The following RALGPS1 variants were observed in gnomAD, a reference collection of about 807,000 sequenced individuals.
The protein encoded by RALGPS1 is Ral GEF with PH domain and SH3 binding motif 1, also known as ras-specific guanine nucleotide-releasing factor RalGPS1.
RALGPS1 carries 19 observed loss-of-function variants against 78.8 expected under a neutral mutation model. That is an observed-to-expected ratio of 0.24 (90% CI 0.17 to 0.35). The LOEUF is 0.35. RALGPS1 is among the 10% of genes least tolerant of loss of function. RALGPS1 has a pLI of 1.00. For synonymous variants in RALGPS1, 228 were observed against 256.3 expected, an observed-to-expected ratio of 0.89 and a Z score of 1.06; for missense variants, 454 against 688.3, an observed-to-expected ratio of 0.66 and a Z score of 3.81.
At chr9:126,950,240 G>C (rs1259029076) in intron 1 of RALGPS1, among the ~76,000 whole-genome samples, 2 of 152,210 alleles carry the variant, frequency 1.3e-5, no homozygotes, top group African/African-American at 4.8e-5. Context: ...TTTGAAGTCA[G>C]GTAGTGTGAT....
intron 4 of RALGPS1, among the ~76,000 whole-genome samples, chr9:127,028,926 T>C (rs2046185869): frequency 1.3e-5 from 2 of 152,112 alleles, no homozygotes; most frequent in South Asian, 4.2e-4. Flanking sequence ...TTGTGACCCT[T>C]GTGCCCCCAG....
At chr9:127,181,210 C>T (rs2060194560) in intron 11 of RALGPS1, among the ~76,000 whole-genome samples, 1 of 152,234 alleles carries the variant, frequency 6.6e-6, no homozygotes, top group Non-Finnish European at 1.5e-5. Context: ...AAGCCAGCAC[C>T]TCAGCTGTTC....
At chr9:126,974,605 A>G (rs2040428540) in intron 3 of RALGPS1, among the ~76,000 whole-genome samples, 1 of 152,060 alleles carries the variant, frequency 6.6e-6, no homozygotes, top group Non-Finnish European at 1.5e-5. Flanking sequence ...GCCCTGGACT[A>G]GGAGGAAGGA....
intron 11 of RALGPS1, among the ~76,000 whole-genome samples, chr9:127,189,090 A>G (rs1250919801): frequency 2.0e-5 from 3 of 150,970 alleles, no homozygotes; most frequent in Non-Finnish European, 2.9e-5. Flanking sequence ...ACTGGGTGTC[A>G]GGAACAGCTG....
At chr9:127,064,746 G>A (rs2049526769) in intron 7 of RALGPS1, among the ~76,000 whole-genome samples, 2 of 152,182 alleles carry the variant, frequency 1.3e-5, no homozygotes, top group Admixed American at 6.5e-5. Context: ...AATCACTTTT[G>A]TTAAATGAAT....
rs181047012 is a variant in RALGPS1 at position 126,967,600 on chromosome 9, A to G, written c.165+1649A>G. On this transcript the variant is annotated intron_variant, in intron 3 of 18. Transcript: ENST00000259351. Reference sequence around the variant, plus strand: ...CACTTAGGCTGAAGTGCAGTGGCACAGTCACAGCTTATAAAAGCCTCAATC... The same window carrying G: ...CACTTAGGCTGAAGTGCAGTGGCACGGTCACAGCTTATAAAAGCCTCAATC... Among the ~76,000 whole-genome samples the G allele has an allele frequency of 2.6e-5, 4 of 152,146 alleles. No homozygotes were observed. The East Asian group carries it at 5.8e-4, about 22-fold the overall frequency.
rs139857708 is a variant in RALGPS1 at position 127,085,993 on chromosome 9, T to A, written c.610+16637T>A. Among the ~76,000 whole-genome samples, 1,374 of 152,300 alleles carry A rather than the reference T, an allele frequency of 9.0e-3. 12 individuals carry two copies. The highest frequency in any genetic ancestry group is 0.015 in the Non-Finnish European group (1,039 of 68,020). ...TGACACCCAGCACCTTCTGGATTAA[T>A]TGCTGCCGGGGTATTCTTACCAGCA... On this transcript the variant is annotated intron_variant, in intron 8 of 18. Transcript: ENST00000259351.
chr9:127,098,659 G>C (rs1232613331), intron 8 of RALGPS1, among the ~76,000 whole-genome samples: 4 of 152,076 alleles, frequency 2.6e-5, no homozygotes, highest in African/African-American at 9.7e-5. Context: ...ATCAGCTTTG[G>C]GTGCTTCCTT....
At chr9:126,952,703 G>A (rs900421333) in intron 1 of RALGPS1, among the ~76,000 whole-genome samples, 2 of 146,358 alleles carry the variant, frequency 1.4e-5, no homozygotes, top group Non-Finnish European at 3.1e-5. Flanking sequence ...GTGTCTGTGC[G>A]CATGTGCATG....
chr9:127,089,849 AG>A (rs148801462), intron 8 of RALGPS1, among the ~76,000 whole-genome samples: 1 of 152,218 alleles, frequency 6.6e-6, no homozygotes, highest in Non-Finnish European at 1.5e-5. Flanking sequence ...GCAGGAGGAC[AG>A]GGGGCCACTA....
chr9:127,166,247 T>C (rs770576696), intron 9 of RALGPS1, 41 bp downstream of exon 9: 9 of 1,606,742 alleles, frequency 5.6e-6, no homozygotes, highest in African/African-American at 5.4e-5. Flanking sequence ...TCTTACGTCA[T>C]TGAAATTTGG....
Position 127,122,494 on chromosome 9 carries a change from GGGCCAGGGCT to G in RALGPS1, c.611-43566_611-43557del, listed in dbSNP as rs1445411164. The G allele has an allele frequency of 6.6e-6, 1 of 152,608 alleles. No homozygotes were observed. The highest frequency in any genetic ancestry group is 1.9e-4 in the East Asian group (1 of 5,184). 9.5% of individuals were successfully genotyped at this position (152,608 alleles called of 1,614,324 possible). A position where few individuals can be genotyped will look rare whatever the true frequency, so the allele number is the denominator to read the frequency against. On this transcript the variant is annotated intron_variant, in intron 8 of 18. Transcript: ENST00000259351. The surrounding 1 kb of genome is among the most constrained non-coding windows in gnomAD (Gnocchi z 6.4). ...CCACAGAGGGCTCCGGCAGAGGCTG[GGGCCAGGGCT>G]GGCCAGGGGTCCTGCGGGGCTGCTC...
chr9:127,184,336 A>G (rs1306895725), intron 11 of RALGPS1: 1 of 346,234 alleles, frequency 2.9e-6, no homozygotes, highest in Non-Finnish European at 5.5e-6. Context: ...AAAAAAAAAA[A>G]GGAAATGAAC....
chr9:127,121,664 G>A (rs767255435), intron 8 of RALGPS1, among the ~76,000 whole-genome samples: 10 of 152,244 alleles, frequency 6.6e-5, no homozygotes, highest in African/African-American at 9.6e-5. Context: ...CAGGGAAGCC[G>A]CATCCTCCCT....
intron 11 of RALGPS1, among the ~76,000 whole-genome samples, chr9:127,194,421 C>CT (rs879700330): frequency 6.6e-6 from 1 of 152,026 alleles, no homozygotes; most frequent in East Asian, 1.9e-4. Context: ...AGAAGACACA[C>CT]TTTTTTTTGG....
rs368167159 is a variant in RALGPS1 at position 127,175,717 on chromosome 9, A to T, written c.910+935A>T. On this transcript the variant is annotated intron_variant, in intron 11 of 18. Transcript: ENST00000259351. ...TTTTTTTTTTATCCTATAAAATGGG[A>T]TGATGAAACCTTCCTCCCAGGAACG... Among the ~76,000 whole-genome samples, 13 of 123,120 alleles carry T rather than the reference A, an allele frequency of 1.1e-4. No individual in the cohort carries two copies. The East Asian group carries it at 2.0e-3, about 19-fold the overall frequency. The allele number at this position is 123,120 out of a possible 152,430, so 80.8% of individuals were successfully genotyped here.
chr9:126,959,257 T>G (rs2038658101), intron 1 of RALGPS1, among the ~76,000 whole-genome samples: 1 of 152,178 alleles, frequency 6.6e-6, no homozygotes, highest in Admixed American at 6.5e-5. Context: ...AGATGGGGTT[T>G]CATCATGTTG....
At chr9:127,013,118 G>A (rs1043968405) in intron 4 of RALGPS1, among the ~76,000 whole-genome samples, 5 of 152,142 alleles carry the variant, frequency 3.3e-5, no homozygotes, top group Non-Finnish European at 7.4e-5. Flanking sequence ...GGCATTTCAG[G>A]TACCAGGAAC....
chr9:127,111,289 G>A (rs1418460204), intron 8 of RALGPS1, among the ~76,000 whole-genome samples: 2 of 152,112 alleles, frequency 1.3e-5, no homozygotes, highest in East Asian at 3.8e-4. Flanking sequence ...ATTTAAGATT[G>A]TGACCTCACC....
Sources: gnomAD v4.1 joint callset for allele counts (sites outside exome capture counted in the v4.1 genomes callset) on GRCh38, gnomAD v4.1.1 for gene constraint, Gnocchi (gnomAD v3.1) non-coding constraint, MANE v1.5 for transcripts, NCBI Gene and HGNC (gene_info 2026-07-23, HGNC 2026-07-21) for gene names.